SLC35F3: variants seen among roughly 807,000 people sequenced by gnomAD.
SLC35F3 encodes the protein solute carrier family 35 member F3.
Under a neutral mutation model 49.9 loss-of-function variants are expected in SLC35F3, and 25 were observed. The observed-to-expected ratio is 0.50, with a 90% CI of 0.37 to 0.70. The LOEUF is 0.70. Ranked by LOEUF, SLC35F3 falls within the 30% of genes least tolerant of loss-of-function variation. The pLI, the probability that SLC35F3 is intolerant of heterozygous loss-of-function variation, is 0.00. For missense variants in SLC35F3, 525 were observed against 639.8 expected, an observed-to-expected ratio of 0.82 and a Z score of 1.94; for synonymous variants, 275 against 265.4, an observed-to-expected ratio of 1.04 and a Z score of -0.35.
chr1:233,969,113 A>C (rs1662950996), intron 2 of SLC35F3, among the ~76,000 whole-genome samples: 1 of 152,088 alleles, frequency 6.6e-6, no homozygotes. Flanking sequence ...ATTTCAGCCA[A>C]GCAAAGTTTA....
intron 2 of SLC35F3, among the ~76,000 whole-genome samples, chr1:234,089,466 T>G (rs1665009407): frequency 6.6e-6 from 1 of 152,108 alleles, no homozygotes; most frequent in Admixed American, 6.5e-5. Context: ...GGGTGTTGAG[T>G]GCAGCTGGGA....
At chr1:233,913,643 C>A (rs1294252735) in intron 2 of SLC35F3, among the ~76,000 whole-genome samples, 1 of 152,210 alleles carries the variant, frequency 6.6e-6, no homozygotes, top group Non-Finnish European at 1.5e-5. Flanking sequence ...GTGGCCGTTT[C>A]CTCAGGCACA....
chr1:234,014,770 A>C (rs191598503), intron 2 of SLC35F3, among the ~76,000 whole-genome samples: 1 of 152,264 alleles, frequency 6.6e-6, no homozygotes, highest in Non-Finnish European at 1.5e-5. Context: ...AATTTAAACA[A>C]AGAGGTGAAA....
chr1:233,905,677 G>A lies in SLC35F3; in HGVS notation c.202G>A (p.Val68Met). ...CGTGGAGGATCTCACCAGCGGGCCG[G>A]TGGGGCTCACGTCCATCGAGGAGCG... Reference protein sequence around the residue: ...RSVEDLTSGPVGLTSIEERIL... With the variant: ...RSVEDLTSGPMGLTSIEERIL... Residue 68 changes from valine (V) to methionine (M), a missense_variant, in exon 2 of 8, where the codon GTG (valine) becomes ATG (methionine). By Grantham distance (21) the Val-to-Met change is conservative. Around this residue, in one of 4 missense-constraint regions of SLC35F3, gnomAD observed 228 missense variants for 218.9 expected, o/e 1.04. Transcript: ENST00000366618. The A allele has an allele frequency of 6.2e-7, 1 of 1,614,200 alleles. No homozygotes were observed. The highest frequency in any genetic ancestry group is 1.3e-5 in the African/African-American group (1 of 75,072).
intron 2 of SLC35F3, among the ~76,000 whole-genome samples, chr1:234,209,921 A>C (rs1054872970): frequency 2.5e-4 from 38 of 152,374 alleles, no homozygotes; most frequent in African/African-American, 8.7e-4. Context: ...AACAGAAAGT[A>C]GAATTTTAAA....
chr1:234,099,524 C>T (rs778321798), intron 2 of SLC35F3, among the ~76,000 whole-genome samples: 1 of 149,896 alleles, frequency 6.7e-6, no homozygotes, highest in East Asian at 2.0e-4. Context: ...GCAGAAGAAT[C>T]GCTTGAACCC....
chr1:233,970,151 C>T (rs1322641208), intron 2 of SLC35F3, among the ~76,000 whole-genome samples: 2 of 152,184 alleles, frequency 1.3e-5, no homozygotes, highest in African/African-American at 4.8e-5. Flanking sequence ...CTGACCCAGC[C>T]TTATGGTGAC....
At chr1:234,127,961 G>A (rs1665674122) in intron 2 of SLC35F3, among the ~76,000 whole-genome samples, 2 of 152,144 alleles carry the variant, frequency 1.3e-5, no homozygotes, top group East Asian at 3.9e-4. Context: ...TCTGTCCATT[G>A]CTCCCTCCAG....
At chr1:234,285,830 T>G (rs968272888) in intron 3 of SLC35F3, among the ~76,000 whole-genome samples, 4 of 152,146 alleles carry the variant, frequency 2.6e-5, no homozygotes, top group Non-Finnish European at 5.9e-5. Context: ...GCAAAGCAGC[T>G]GATCTCATCA....
intron 2 of SLC35F3, among the ~76,000 whole-genome samples, chr1:234,206,218 G>A (rs1298687968): frequency 2.6e-5 from 4 of 152,116 alleles, no homozygotes; most frequent in Admixed American, 2.6e-4. Context: ...GTGTTTATAT[G>A]ATGAGTGGAG....
At chr1:234,196,558 T>G (rs1262479604) in intron 2 of SLC35F3, among the ~76,000 whole-genome samples, 1 of 152,230 alleles carries the variant, frequency 6.6e-6, no homozygotes, top group African/African-American at 2.4e-5. Context: ...ATCCTTCTTT[T>G]ACTTGTTCAC....
At chr1:234,175,466 A>G (rs916056169) in intron 2 of SLC35F3, among the ~76,000 whole-genome samples, 3 of 152,226 alleles carry the variant, frequency 2.0e-5, no homozygotes, top group Admixed American at 2.0e-4. Flanking sequence ...TCTCCCATGT[A>G]TTGGAAGAAA....
chr1:234,289,454 T>C (rs1424328206), intron 3 of SLC35F3, among the ~76,000 whole-genome samples: 4 of 152,208 alleles, frequency 2.6e-5, no homozygotes, highest in Non-Finnish European at 5.9e-5. Flanking sequence ...GAAATATGAC[T>C]GTACCTCTCT....
At chr1:233,923,788 C>A (rs897714675) in intron 2 of SLC35F3, among the ~76,000 whole-genome samples, 3 of 152,158 alleles carry the variant, frequency 2.0e-5, no homozygotes, top group Admixed American at 6.5e-5. Flanking sequence ...GTGAGTTTGT[C>A]ATAAATAGCT....
At chr1:234,025,712 G>A (rs910712503) in intron 2 of SLC35F3, among the ~76,000 whole-genome samples, 14 of 152,134 alleles carry the variant, frequency 9.2e-5, no homozygotes, top group African/African-American at 3.1e-4. Context: ...GATTCTGGAT[G>A]TTAGACCTTT....
chr1:234,080,578 A>G (rs1422325501), intron 2 of SLC35F3, among the ~76,000 whole-genome samples: 2 of 152,230 alleles, frequency 1.3e-5, no homozygotes, highest in Non-Finnish European at 2.9e-5. Flanking sequence ...AATGCTTCCC[A>G]TTAAAAGGAA....
intron 3 of SLC35F3, among the ~76,000 whole-genome samples, chr1:234,277,931 C>T (rs1013474200): frequency 7.2e-5 from 11 of 152,080 alleles, no homozygotes; most frequent in African/African-American, 2.2e-4. Flanking sequence ...CGGTGGCTCA[C>T]GCCTGTAATC....
intron 2 of SLC35F3, among the ~76,000 whole-genome samples, chr1:233,953,555 C>T (rs1272011206): frequency 1.3e-5 from 2 of 152,200 alleles, no homozygotes; most frequent in Non-Finnish European, 2.9e-5. Context: ...TTTGTCAACT[C>T]TCCGTCATAG....
At chr1:234,160,314 G>A (rs892378375) in intron 2 of SLC35F3, among the ~76,000 whole-genome samples, 19 of 152,128 alleles carry the variant, frequency 1.2e-4, no homozygotes, top group African/African-American at 3.4e-4. Flanking sequence ...AAGGACTCAG[G>A]GCTGTACTTG....
Sources: gnomAD v4.1 joint callset for allele counts (sites outside exome capture counted in the v4.1 genomes callset) on GRCh38, gnomAD v4.1.1 for gene constraint, gnomAD v4.1.1 regional missense constraint, MANE v1.5 for transcripts, NCBI Gene and HGNC (gene_info 2026-07-23, HGNC 2026-07-21) for gene names.